Variants in NAALADL2 observed in about 807,000 individuals in gnomAD.
NAALADL2 encodes N-acetylated alpha-linked acidic dipeptidase like 2.
NAALADL2 carries 76 observed loss-of-function variants against 87.2 expected under a neutral mutation model. That is an observed-to-expected ratio of 0.87 (90% CI 0.72 to 1.05). The LOEUF is 1.05. Among genes scored for constraint, NAALADL2 ranks in the 50% least tolerant of loss-of-function variants. The pLI is 0.00. For synonymous variants in NAALADL2, 354 were observed against 331.0 expected (o/e 1.07, Z -0.75); for missense variants, 1,089 against 945.8 (o/e 1.15, Z -1.99).
At chr3:175,206,979 G>T (rs1741035743) in intron 2 of NAALADL2, among the ~76,000 whole-genome samples, 1 of 152,120 alleles carries the variant, frequency 6.6e-6, no homozygotes, top group African/African-American at 2.4e-5. Context: ...TGTCACACTG[G>T]ATGCTCACAC....
chr3:175,745,760 C>G (rs1209189771), intron 12 of NAALADL2, among the ~76,000 whole-genome samples: 1 of 152,058 alleles, frequency 6.6e-6, no homozygotes, highest in Non-Finnish European at 1.5e-5. Context: ...ACAACCCTAC[C>G]CTTGAACCTT....
intron 2 of NAALADL2, among the ~76,000 whole-genome samples, chr3:174,605,547 A>G (rs551880035): frequency 1.3e-5 from 2 of 152,172 alleles, no homozygotes; most frequent in Non-Finnish European, 2.9e-5. Flanking sequence ...TCCTACGCCC[A>G]CGGAGTCTCT....
intron 2 of NAALADL2, among the ~76,000 whole-genome samples, chr3:175,178,800 A>C (rs910314621): frequency 2.6e-5 from 4 of 151,882 alleles, no homozygotes; most frequent in Admixed American, 6.6e-5. Flanking sequence ...CTATAGAAGA[A>C]GGAATTTGGA....
At chr3:174,908,021 GTTTTTTTT>G (rs35051279) in intron 1 of NAALADL2, among the ~76,000 whole-genome samples, 3 of 82,558 alleles carry the variant, frequency 3.6e-5, no homozygotes, top group Non-Finnish European at 6.8e-5. Context: ...AGAGAAGTTG[GTTTTTTTT>G]TTTTTTTTTT....
chr3:174,785,303 A>G (rs1716509693), intron 3 of NAALADL2, among the ~76,000 whole-genome samples: 1 of 152,184 alleles, frequency 6.6e-6, no homozygotes, highest in African/African-American at 2.4e-5. Context: ...ATGGCAAAAT[A>G]GCTAATAGCT....
At chr3:175,199,864 ATTTTTTTTTTTTTTTTTTTTTT>A (rs869050569) in intron 2 of NAALADL2, among the ~76,000 whole-genome samples, 3 of 13,054 alleles carry the variant, frequency 2.3e-4, no homozygotes, top group African/African-American at 7.0e-4. Flanking sequence ...ATATATATAT[ATTTTTTTTTTTTTTTTTTTTTT>A]TTTTTTCCTT....
intron 2 of NAALADL2, among the ~76,000 whole-genome samples, chr3:174,668,266 T>TTA (rs946330321): frequency 1.3e-5 from 2 of 152,090 alleles, no homozygotes; most frequent in Non-Finnish European, 2.9e-5. Flanking sequence ...TAGCCTCTTA[T>TTA]TATATATATA....
intron 1 of NAALADL2, among the ~76,000 whole-genome samples, chr3:174,861,853 C>T (rs2109540396): frequency 6.6e-6 from 1 of 152,006 alleles, no homozygotes; most frequent in East Asian, 1.9e-4. Context: ...TTAGTGGAGC[C>T]CATATGCCAT....
intron 1 of NAALADL2, among the ~76,000 whole-genome samples, chr3:174,987,616 C>T (rs1285789088): frequency 7.6e-6 from 1 of 132,320 alleles, no homozygotes; most frequent in African/African-American, 2.9e-5. Context: ...CATCAGAGAG[C>T]ATTATTAGAA....
At chr3:175,712,843 C>CT (rs1458400067) in intron 11 of NAALADL2, among the ~76,000 whole-genome samples, 3 of 151,988 alleles carry the variant, frequency 2.0e-5, no homozygotes, top group Admixed American at 6.6e-5. Context: ...GACATGGACT[C>CT]TAAAATATTC....
rs367868281 is a variant in NAALADL2 at position 175,579,223 on chromosome 3, C to CTATCTATCATCT, written c.1800+3036_1800+3037insTATCTATCATCT. Among the ~76,000 whole-genome samples, 1,244 of 146,880 alleles carry CTATCTATCATCT rather than the reference C, an allele frequency of 8.5e-3. 17 individuals are homozygous for CTATCTATCATCT. The highest frequency in any genetic ancestry group is 0.027 in the African/African-American group (1,111 of 40,672). On this transcript the variant is annotated intron_variant, in intron 10 of 13. Coordinates refer to ENST00000454872, the MANE Select transcript of NAALADL2 (RefSeq NM_207015.3). The stretch of plus-strand genomic sequence containing the variant: ...ATTATCTATCTATCTATCTATCTAT[C>CTATCTATCATCT]ATCTATCATCCAGTGAGATTGATCA...
rs1337523958 is a variant in NAALADL2 at position 175,808,945 on chromosome 3, T to C, written c.*5742T>C. ...TGCTCAGTAATCATAACTCTCCAACTTCTTCAAAGGGCCTTTATTCAATAT... is the reference window on the plus strand; with the variant it reads ...TGCTCAGTAATCATAACTCTCCAACCTCTTCAAAGGGCCTTTATTCAATAT... On this transcript the variant is annotated 3_prime_UTR_variant, in exon 14 of 14. Transcript: ENST00000454872. The C allele has an allele frequency of 6.6e-6, 1 of 151,980 alleles. No homozygotes were observed. The highest frequency in any genetic ancestry group is 2.4e-5 in the African/African-American group (1 of 41,424). The allele number at this position is 151,980 out of a possible 1,614,324, so 9.4% of individuals were successfully genotyped here.
intron 9 of NAALADL2, among the ~76,000 whole-genome samples, chr3:175,519,030 TTAA>T (rs1357016689): frequency 6.6e-6 from 1 of 152,230 alleles, no homozygotes; most frequent in Non-Finnish European, 1.5e-5. Context: ...TGATCTAATG[TTAA>T]TAGCCTGACT....
At chr3:175,482,352 T>C (rs1726598926) in intron 9 of NAALADL2, among the ~76,000 whole-genome samples, 1 of 151,946 alleles carries the variant, frequency 6.6e-6, no homozygotes, top group Admixed American at 6.6e-5. Flanking sequence ...CATAAATTGT[T>C]AGCTTCAAAT....
intron 3 of NAALADL2, among the ~76,000 whole-genome samples, chr3:174,833,076 A>T (rs1722917787): frequency 6.6e-6 from 1 of 152,144 alleles, no homozygotes; most frequent in Non-Finnish European, 1.5e-5. Context: ...AATAGTATTA[A>T]CTTTTAAATA....
At chr3:175,444,622 T>G (rs542101179) in intron 5 of NAALADL2, among the ~76,000 whole-genome samples, 1 of 152,308 alleles carries the variant, frequency 6.6e-6, no homozygotes, top group East Asian at 1.9e-4. Flanking sequence ...TATTGCCATA[T>G]GGAAATTCTT....
chr3:175,417,524 A>T (rs912670525), intron 5 of NAALADL2, among the ~76,000 whole-genome samples: 13 of 132,192 alleles, frequency 9.8e-5, no homozygotes, highest in African/African-American at 3.7e-4. Context: ...AATGAGTTTT[A>T]AAAAAAAACA....
chr3:175,080,182 GTC>G (rs1717512307), intron 1 of NAALADL2, among the ~76,000 whole-genome samples: 1 of 152,108 alleles, frequency 6.6e-6, no homozygotes, highest in African/African-American at 2.4e-5. Flanking sequence ...AGCCAGGATG[GTC>G]TCGATCTCCT....
At chr3:175,730,415 T>TAG in intron 11 of NAALADL2, among the ~76,000 whole-genome samples, 1 of 91,966 alleles carries the variant, frequency 1.1e-5, no homozygotes, top group Non-Finnish European at 2.3e-5. Flanking sequence ...TATATATATA[T>TAG]ATATATATAT....
Sources: allele counts gnomAD v4.1 joint callset (sites outside exome capture counted in the v4.1 genomes callset), GRCh38; gene constraint gnomAD v4.1.1; transcripts MANE v1.5; gene names NCBI Gene and HGNC (gene_info 2026-07-23, HGNC 2026-07-21).